ZCCHC24: variants seen among roughly 807,000 people sequenced by gnomAD.
The protein encoded by ZCCHC24 is zinc finger CCHC domain-containing protein 24.
A neutral mutation model predicts 26.2 loss-of-function variants in ZCCHC24; 10 were observed. The observed-to-expected ratio is 0.38, with a 90% CI of 0.24 to 0.65. The LOEUF is 0.65. Among genes scored for constraint, ZCCHC24 ranks in the 30% least tolerant of loss-of-function variants. ZCCHC24 has a pLI of 0.54. For missense variants in ZCCHC24, 243 were observed against 329.1 expected, an observed-to-expected ratio of 0.74 and a Z score of 2.03; for synonymous variants, 144 against 147.1, an observed-to-expected ratio of 0.98 and a Z score of 0.15.
intron 2 of ZCCHC24, 181 bp from the exon 3 acceptor site, chr10:79,394,621 G>A (rs1375182574): frequency 2.0e-6 from 2 of 985,354 alleles, no homozygotes; most frequent in Non-Finnish European, 2.4e-6. Flanking sequence ...TCCGAAGGCT[G>A]GGAGGCACAT....
chr10:79,439,455 C>A lies in ZCCHC24; in HGVS notation c.246+5740G>T, dbSNP rs554239563. On this transcript the variant is annotated intron_variant, in intron 1 of 3. Transcript: ENST00000372336. The stretch of plus-strand genomic sequence containing the variant: ...GGAGGGGAGGTTACAATTCAAGACA[C>A]CCACCCACGTAGAAAACATTAACTA... 3.3e-5 allele frequency among the ~76,000 whole-genome samples: 5 copies of A among 152,220 alleles called. No homozygotes were observed. The East Asian group carries it at 9.6e-4, about 29-fold the overall frequency.
intron 2 of ZCCHC24, among the ~76,000 whole-genome samples, chr10:79,430,686 C>CACCACACACACACACACACA (rs370025190): frequency 0.031 from 4,327 of 140,458 alleles, 116 homozygotes; most frequent in South Asian, 0.091. Flanking sequence ...CACACACACA[C>CACCACACACACACACACACA]CACACACACA....
intron 1 of ZCCHC24, among the ~76,000 whole-genome samples, chr10:79,433,648 TG>T (rs1365286056): frequency 6.6e-6 from 1 of 152,204 alleles, no homozygotes; most frequent in Non-Finnish European, 1.5e-5. Context: ...ACAACAAATC[TG>T]GGCTTGGGGC....
chr10:79,443,231 G>A (rs1826625473), intron 1 of ZCCHC24, among the ~76,000 whole-genome samples: 1 of 152,210 alleles, frequency 6.6e-6, no homozygotes, highest in Admixed American at 6.5e-5. Flanking sequence ...ACGCAGCAAT[G>A]AAGTGACAGA....
chr10:79,445,157 C>T, intron 1 of ZCCHC24, 38 bp downstream of exon 1: 1 of 669,650 alleles, frequency 1.5e-6, no homozygotes, highest in Non-Finnish European at 1.7e-6. Flanking sequence ...GGCGGTGGGG[C>T]GGTGGGGCGG....
intron 2 of ZCCHC24, among the ~76,000 whole-genome samples, chr10:79,403,008 A>G (rs1856657919): frequency 6.6e-6 from 1 of 152,256 alleles, no homozygotes; most frequent in Non-Finnish European, 1.5e-5. Flanking sequence ...AGACAGATGA[A>G]GAATGCCCTG....
intron 2 of ZCCHC24, among the ~76,000 whole-genome samples, chr10:79,411,635 G>A (rs1039465671): frequency 1.3e-5 from 2 of 152,294 alleles, no homozygotes; most frequent in African/African-American, 4.8e-5. Context: ...GCCCACGGGT[G>A]CCCCACTTTC....
chr10:79,423,786 G>A (rs188568034), intron 2 of ZCCHC24, among the ~76,000 whole-genome samples: 1 of 150,560 alleles, frequency 6.6e-6, no homozygotes, highest in South Asian at 2.1e-4. Flanking sequence ...GGGAGGCCAA[G>A]GCAGGCGGAT....
chr10:79,386,284 C>A lies in ZCCHC24; in HGVS notation c.*61G>T. On this transcript the variant is annotated 3_prime_UTR_variant, in exon 4 of 4. Transcript: ENST00000372336. ...CGACACGCAGCCCCTCGGAGTAGCACAGGGAAGCAGCGTCTCCTCGGGCTG... is the reference window on the plus strand; with the variant it reads ...CGACACGCAGCCCCTCGGAGTAGCAAAGGGAAGCAGCGTCTCCTCGGGCTG... The A allele has an allele frequency of 6.6e-7, 1 of 1,516,070 alleles. No individual in the cohort carries two copies. The highest frequency in any genetic ancestry group is 9.1e-7 in the Non-Finnish European group (1 of 1,102,712). 93.9% of individuals were successfully genotyped at this position (1,516,070 alleles called of 1,614,324 possible). A position where few individuals can be genotyped will look rare whatever the true frequency, so the allele number is the denominator to read the frequency against.
intron 1 of ZCCHC24, 101 bp from the exon 2 acceptor site, chr10:79,432,859 T>G: frequency 1.9e-5 from 25 of 1,308,966 alleles, no homozygotes; most frequent in Non-Finnish European, 2.6e-5. Flanking sequence ...AGTCTTCAGC[T>G]ACCCGAGGGC....
At chr10:79,421,450 TC>T (rs1156879602) in intron 2 of ZCCHC24, among the ~76,000 whole-genome samples, 2 of 142,610 alleles carry the variant, frequency 1.4e-5, no homozygotes, top group Non-Finnish European at 3.1e-5. Flanking sequence ...CTCCCTCCCT[TC>T]CTCCCTCCCT....
At chr10:79,392,295 G>A (rs1236314731) in intron 3 of ZCCHC24, among the ~76,000 whole-genome samples, 3 of 152,118 alleles carry the variant, frequency 2.0e-5, no homozygotes. Context: ...ACACCTCCCT[G>A]GGCCTGGGAT....
At chr10:79,390,569 C>T (rs922176044) in intron 3 of ZCCHC24, among the ~76,000 whole-genome samples, 1 of 152,236 alleles carries the variant, frequency 6.6e-6, no homozygotes, top group Non-Finnish European at 1.5e-5. Flanking sequence ...GGAGTTCCCT[C>T]TGTGGGCACG....
At chr10:79,444,991 A>T (rs1857343217) in intron 1 of ZCCHC24, among the ~76,000 whole-genome samples, 1 of 152,176 alleles carries the variant, frequency 6.6e-6, no homozygotes, top group African/African-American at 2.4e-5. Context: ...GCCCGGGCTC[A>T]GCCGGGAGGT....
At chr10:79,393,515 T>C (rs1352676998) in intron 3 of ZCCHC24, among the ~76,000 whole-genome samples, 1 of 152,170 alleles carries the variant, frequency 6.6e-6, no homozygotes, top group African/African-American at 2.4e-5. Context: ...CCCTCCCAGC[T>C]CACATGAGGC....
chr10:79,404,076 TG>T (rs1856676496), intron 2 of ZCCHC24, among the ~76,000 whole-genome samples: 1 of 151,752 alleles, frequency 6.6e-6, no homozygotes, highest in South Asian at 2.1e-4. Context: ...AGGCGAGACA[TG>T]ATGCAGAAAC....
At chr10:79,418,871 C>T (rs528052449) in intron 2 of ZCCHC24, among the ~76,000 whole-genome samples, 1 of 152,152 alleles carries the variant, frequency 6.6e-6, no homozygotes, top group African/African-American at 2.4e-5. Context: ...GCTCTGAGGC[C>T]CTGGATGGTT....
chr10:79,434,032 A>T (rs12265906), intron 1 of ZCCHC24, among the ~76,000 whole-genome samples: 1 of 152,026 alleles, frequency 6.6e-6, no homozygotes, highest in Non-Finnish European at 1.5e-5. Flanking sequence ...CCCCTCCTAG[A>T]GACATGGTCC....
rs561884774 is a variant in ZCCHC24, at chr10:79,423,581, C to CTATATATATATATATATA, written c.447+8959_447+8976dup. Among the ~76,000 whole-genome samples, 166 of 53,696 alleles carry CTATATATATATATATATA rather than the reference C, an allele frequency of 3.1e-3. 1 individual carries two copies. Among genetic ancestry groups the CTATATATATATATATATA allele is most frequent in the African/African-American group, 0.012 (149 of 12,956 alleles). The allele number at this position is 53,696 out of a possible 152,430, so 35.2% of individuals were successfully genotyped here. On this transcript the variant is annotated intron_variant, in intron 2 of 3. Transcript: ENST00000372336. ...AACAAAAACAAACAAAATATATATACTATATATATATATATATATATATAT... is the reference window on the plus strand; with the variant it reads ...AACAAAAACAAACAAAATATATATACTATATATATATATATATATATATATATATATATATATATATAT...
Sources: gnomAD v4.1 joint callset for allele counts (sites outside exome capture counted in the v4.1 genomes callset) on GRCh38, gnomAD v4.1.1 for gene constraint, MANE v1.5 for transcripts, NCBI Gene and HGNC (gene_info 2026-07-23, HGNC 2026-07-21) for gene names.